The following STRN3 variants were observed in gnomAD, a reference collection of about 807,000 sequenced individuals.
STRN3 encodes striatin-3.
STRN3 carries 29 observed loss-of-function variants against 95.6 expected under a neutral mutation model. That is an observed-to-expected ratio of 0.30 (90% confidence interval 0.23 to 0.41). The LOEUF is 0.41. Among genes scored for constraint, STRN3 ranks in the 10% least tolerant of loss-of-function variants. The probability of loss-of-function intolerance (pLI) is 1.00; values close to 1 mark genes in which losing one functional copy is unlikely to be tolerated. For synonymous variants in STRN3, 331 were observed against 357.6 expected, an observed-to-expected ratio of 0.93 and a Z score of 0.84; for missense variants, 890 against 972.1, an observed-to-expected ratio of 0.92 and a Z score of 1.12.
intron 8 of STRN3, among the ~76,000 whole-genome samples, chr14:30,925,816 C>A: frequency 6.6e-6 from 1 of 151,820 alleles, no homozygotes; most frequent in Non-Finnish European, 1.5e-5. Context: ...CATTTATAAG[C>A]AAAAATTTTT....
At chr14:30,944,408 C>CA (rs2139102990) in intron 5 of STRN3, among the ~76,000 whole-genome samples, 1 of 151,252 alleles carries the variant, frequency 6.6e-6, no homozygotes, top group South Asian at 2.1e-4. Flanking sequence ...AACTCGAAAT[C>CA]AAAGGCTTAT....
chr14:30,947,840 G>T (rs1356329082), intron 4 of STRN3, among the ~76,000 whole-genome samples: 4 of 152,124 alleles, frequency 2.6e-5, no homozygotes, highest in African/African-American at 9.7e-5. Context: ...TAGGATCTAA[G>T]ATGAGACTGG....
chr14:30,915,125 A>G (rs951643571), intron 9 of STRN3, among the ~76,000 whole-genome samples: 2 of 152,166 alleles, frequency 1.3e-5, no homozygotes, highest in African/African-American at 4.8e-5. Flanking sequence ...TAAAAGGGAC[A>G]CATTATACAA....
At chr14:30,921,272 A>G (rs554572233) in intron 8 of STRN3, among the ~76,000 whole-genome samples, 21 of 152,206 alleles carry the variant, frequency 1.4e-4, no homozygotes, top group Non-Finnish European at 2.2e-4. Flanking sequence ...ATTTAATTAT[A>G]TGATAGTTAA....
intron 13 of STRN3, 116 bp from the exon 14 acceptor site, chr14:30,907,160 G>T: frequency 8.5e-7 from 1 of 1,178,006 alleles, no homozygotes; most frequent in Non-Finnish European, 1.2e-6. Flanking sequence ...AAGGCCACAA[G>T]AAGATAAACT....
chr14:30,961,440 G>A (rs181083147), intron 1 of STRN3, among the ~76,000 whole-genome samples: 2 of 152,232 alleles, frequency 1.3e-5, no homozygotes, highest in East Asian at 1.9e-4. Flanking sequence ...AATTCCTATC[G>A]CCTAGTGAAG....
chr14:30,910,374 T>C (rs1247659171), intron 13 of STRN3, among the ~76,000 whole-genome samples: 1 of 152,224 alleles, frequency 6.6e-6, no homozygotes, highest in Non-Finnish European at 1.5e-5. Flanking sequence ...CTTGACATAG[T>C]GCTTACCACA....
At chr14:30,991,124 C>T (rs1881933563) in intron 1 of STRN3, among the ~76,000 whole-genome samples, 1 of 152,182 alleles carries the variant, frequency 6.6e-6, no homozygotes, top group Non-Finnish European at 1.5e-5. Context: ...TTATTTTCAG[C>T]TTGGTTTTGA....
chr14:30,944,286 C>T (rs7150316), intron 5 of STRN3, among the ~76,000 whole-genome samples: 21,962 of 151,710 alleles, frequency 0.14, 1,804 homozygotes, highest in South Asian at 0.33. Context: ...ATAATATTTC[C>T]GCTTTTTCTC....
At chr14:30,986,482 T>C (rs1273500811) in intron 1 of STRN3, among the ~76,000 whole-genome samples, 1 of 152,192 alleles carries the variant, frequency 6.6e-6, no homozygotes, top group Non-Finnish European at 1.5e-5. Flanking sequence ...AAAGGACATA[T>C]TTGCAAATAA....
chr14:30,952,105 G>A (rs982959435), intron 3 of STRN3, among the ~76,000 whole-genome samples: 7 of 143,430 alleles, frequency 4.9e-5, no homozygotes, highest in Non-Finnish European at 7.6e-5. Flanking sequence ...GCGACAGAGC[G>A]AGACCCTGTC....
At chr14:30,941,394 T>A (rs1451482696) in intron 5 of STRN3, among the ~76,000 whole-genome samples, 1 of 152,186 alleles carries the variant, frequency 6.6e-6, no homozygotes, top group African/African-American at 2.4e-5. Flanking sequence ...GCTGCCAACA[T>A]ACTGGAAGTC....
intron 1 of STRN3, among the ~76,000 whole-genome samples, chr14:30,965,090 C>T (rs923352084): frequency 7.9e-5 from 12 of 152,092 alleles, no homozygotes; most frequent in African/African-American, 2.9e-4. Flanking sequence ...TGAGTATTGA[C>T]TTCCTTTCTT....
chr14:31,002,758 T>C (rs894339608), intron 1 of STRN3, among the ~76,000 whole-genome samples: 3 of 151,864 alleles, frequency 2.0e-5, no homozygotes, highest in African/African-American at 4.8e-5. Context: ...TATGTATGAG[T>C]CCACTTATGT....
intron 1 of STRN3, among the ~76,000 whole-genome samples, chr14:30,973,188 G>A (rs950177189): frequency 6.6e-6 from 1 of 152,150 alleles, no homozygotes; most frequent in Non-Finnish European, 1.5e-5. Flanking sequence ...CAGCCTGGGT[G>A]ACAAAGTGAG....
intron 1 of STRN3, among the ~76,000 whole-genome samples, chr14:30,986,544 C>T (rs998999573): frequency 2.6e-5 from 4 of 152,172 alleles, no homozygotes; most frequent in African/African-American, 7.2e-5. Context: ...TAACACTATT[C>T]CTATATTTCT....
intron 3 of STRN3, among the ~76,000 whole-genome samples, chr14:30,954,391 TTTTC>T (rs1175178040): frequency 6.6e-6 from 1 of 152,180 alleles, no homozygotes; most frequent in African/African-American, 2.4e-5. Flanking sequence ...ATTTTGTACA[TTTTC>T]TTTCTTATAT....
intron 7 of STRN3, 42 bp downstream of exon 7, chr14:30,935,121 G>C: frequency 1.2e-6 from 2 of 1,605,686 alleles, no homozygotes; most frequent in Non-Finnish European, 1.7e-6. Context: ...CCATCATTAA[G>C]GGCTAGATTT....
Position 30,894,755 on chromosome 14 carries a change from TA to T in STRN3, c.*655del. On this transcript the variant is annotated 3_prime_UTR_variant, in exon 18 of 18. Coordinates refer to ENST00000357479, the MANE Select transcript of STRN3 (RefSeq NM_001083893.2). ...GAGATCTCTGTGTTTTAGGGTTGTA[TA>T]ATGCAGAAAAACTTCAATACAATCT... is the stretch of plus-strand genomic sequence containing the variant. 4.7e-6 allele frequency: 1 copy of T among 210,924 alleles called. No homozygotes were observed. The highest frequency in any genetic ancestry group is 9.4e-6 in the Non-Finnish European group (1 of 106,778). 13.1% of individuals were successfully genotyped at this position (210,924 alleles called of 1,614,324 possible). A position where few individuals can be genotyped will look rare whatever the true frequency, so the allele number is the denominator to read the frequency against.
Sources: allele counts gnomAD v4.1 joint callset (sites outside exome capture counted in the v4.1 genomes callset), GRCh38; gene constraint gnomAD v4.1.1; transcripts MANE v1.5; gene names NCBI Gene and HGNC (gene_info 2026-07-23, HGNC 2026-07-21).